The following GABRA5 variants were observed in gnomAD, a reference collection of about 807,000 sequenced individuals.
GABRA5 encodes gamma-aminobutyric acid type A receptor subunit alpha5, also known as gamma-aminobutyric acid receptor subunit alpha-5.
A neutral mutation model predicts 47.3 loss-of-function variants in GABRA5; 18 were observed. The ratio of observed to expected loss-of-function variants is 0.38; its 90% confidence interval spans 0.26 to 0.56. The LOEUF is 0.56. GABRA5 is among the 20% of genes least tolerant of loss of function. GABRA5 has a pLI of 0.71. For missense variants in GABRA5, 365 were observed against 599.3 expected (o/e 0.61, Z 4.08); for synonymous variants, 237 against 229.3 (o/e 1.03, Z -0.30).
chr15:26,940,983 G>T (rs1348187509), intron 9 of GABRA5, among the ~76,000 whole-genome samples: 1 of 152,182 alleles, frequency 6.6e-6, no homozygotes, highest in Admixed American at 6.5e-5. Context: ...ATTTGCTATT[G>T]CAGTTTCCTT....
intron 6 of GABRA5, among the ~76,000 whole-genome samples, chr15:26,884,335 C>G (rs1416512038): frequency 6.6e-6 from 1 of 151,918 alleles, no homozygotes; most frequent in Non-Finnish European, 1.5e-5. Context: ...TTTAAATGGA[C>G]TGTTAGTCAT....
intron 6 of GABRA5, among the ~76,000 whole-genome samples, chr15:26,910,760 T>C (rs1186965846): frequency 6.6e-6 from 1 of 152,180 alleles, no homozygotes; most frequent in East Asian, 1.9e-4. Flanking sequence ...GGTCTTCCAG[T>C]AATTCAGTGA....
intron 6 of GABRA5, among the ~76,000 whole-genome samples, chr15:26,911,985 A>G (rs1263267655): frequency 2.0e-5 from 3 of 152,210 alleles, no homozygotes; most frequent in African/African-American, 7.2e-5. Context: ...GAGTAAAGCC[A>G]GGGCTGCTGG....
chr15:26,900,604 T>C (rs1250912615), intron 6 of GABRA5, among the ~76,000 whole-genome samples: 1 of 152,120 alleles, frequency 6.6e-6, no homozygotes, highest in Non-Finnish European at 1.5e-5. Flanking sequence ...ACAGAAATTT[T>C]CCATAAACCC....
chr15:26,925,181 G>A (rs559069921), intron 7 of GABRA5, among the ~76,000 whole-genome samples: 13 of 151,852 alleles, frequency 8.6e-5, no homozygotes, highest in South Asian at 8.3e-4. Context: ...CAAATTTGAG[G>A]CATTTTGACC....
chr15:26,887,490 C>T (rs1282927343), intron 6 of GABRA5, among the ~76,000 whole-genome samples: 1 of 152,088 alleles, frequency 6.6e-6, no homozygotes, highest in Non-Finnish European at 1.5e-5. Context: ...CCACCATGCC[C>T]AGCTAATTTT....
chr15:26,948,206 G>T lies in GABRA5; in HGVS notation c.1362G>T (p.Val454=). The T allele has an allele frequency of 6.2e-7, 1 of 1,612,446 alleles. No homozygotes were observed. ...YWATYLNREP[V]IKGAASPK is the part of the protein sequence containing the mutation. ...CAACGTATTTGAATAGGGAGCCGGTGATAAAAGGAGCCGCCTCTCCAAAAT... is the reference window on the plus strand; with the variant it reads ...CAACGTATTTGAATAGGGAGCCGGTTATAAAAGGAGCCGCCTCTCCAAAAT... Residue 454 remains valine, a synonymous_variant, in exon 11 of 11, where the codon GTG becomes GTT. Coordinates refer to ENST00000335625, the MANE Select transcript of GABRA5 (RefSeq NM_000810.4).
intron 7 of GABRA5, among the ~76,000 whole-genome samples, chr15:26,930,890 C>G (rs1247852391): frequency 1.5e-5 from 2 of 134,940 alleles, no homozygotes; most frequent in Non-Finnish European, 3.1e-5. Context: ...TTCTTTCTTT[C>G]TTTTCTTTTT....
At chr15:26,884,570 C>T (rs764115872) in intron 6 of GABRA5, among the ~76,000 whole-genome samples, 16 of 152,156 alleles carry the variant, frequency 1.1e-4, no homozygotes, top group South Asian at 2.1e-4. Flanking sequence ...CAATTTTTCA[C>T]GGTAAACTTT....
intron 3 of GABRA5, among the ~76,000 whole-genome samples, chr15:26,874,860 G>A (rs1474687348): frequency 6.6e-6 from 1 of 152,354 alleles, no homozygotes; most frequent in East Asian, 1.9e-4. Flanking sequence ...GGCCATCACT[G>A]TACTGTCAGT....
chr15:26,930,014 T>TG (rs1894059010), intron 7 of GABRA5, among the ~76,000 whole-genome samples: 1 of 149,146 alleles, frequency 6.7e-6, no homozygotes, highest in African/African-American at 2.5e-5. Flanking sequence ...TTCTTTTTTT[T>TG]TTTTTTTTGT....
intron 6 of GABRA5, among the ~76,000 whole-genome samples, chr15:26,884,788 C>T (rs189060064): frequency 9.2e-5 from 14 of 152,166 alleles, no homozygotes; most frequent in Admixed American, 7.2e-4. Context: ...GCCTGGGAGC[C>T]GCCTTTTGGA....
chr15:26,874,265 A>G (rs1001223840), intron 3 of GABRA5, among the ~76,000 whole-genome samples: 2 of 152,226 alleles, frequency 1.3e-5, no homozygotes, highest in Admixed American at 6.5e-5. Context: ...TGTATCATAT[A>G]CACTCATTTA....
intron 9 of GABRA5, among the ~76,000 whole-genome samples, chr15:26,941,610 C>T (rs1230801725): frequency 2.0e-5 from 3 of 152,134 alleles, no homozygotes; most frequent in Non-Finnish European, 2.9e-5. Flanking sequence ...GTAACCAAGT[C>T]CCACACACTG....
At chr15:26,901,975 T>C (rs551049569) in intron 6 of GABRA5, among the ~76,000 whole-genome samples, 18 of 152,186 alleles carry the variant, frequency 1.2e-4, no homozygotes, top group South Asian at 4.1e-4. Context: ...TGGGTGGCTA[T>C]TTCTGGACTG....
intron 1 of GABRA5, chr15:26,868,225 G>T (rs2140238283): frequency 6.6e-6 from 1 of 152,172 alleles, no homozygotes; most frequent in South Asian, 2.1e-4. Flanking sequence ...CGTGCTCGCC[G>T]CCTGGCTCTG....
chr15:26,925,703 G>A (rs1184352613), intron 7 of GABRA5, among the ~76,000 whole-genome samples: 3 of 151,872 alleles, frequency 2.0e-5, no homozygotes, highest in Admixed American at 6.6e-5. Context: ...TTTCTTTTAC[G>A]TATAATAATT....
Position 26,890,117 on chromosome 15 carries a change from TA to T in GABRA5, c.497+6561del, listed in dbSNP as rs530887541. Among the ~76,000 whole-genome samples, 555 of 152,370 alleles carry T rather than the reference TA, an allele frequency of 3.6e-3. 1 individual carries two copies. Among genetic ancestry groups the T allele is most frequent in the African/African-American group, 0.013 (528 of 41,596 alleles). On this transcript the variant is annotated intron_variant, in intron 6 of 10. Transcript: ENST00000335625. Reference sequence around the variant, plus strand: ...TCTGTAAAAAAATTCACGATACATCTATTTTTTTTCTCTGTGATAACATTCT... The same window carrying T: ...TCTGTAAAAAAATTCACGATACATCTTTTTTTTTCTCTGTGATAACATTCT...
intron 8 of GABRA5, chr15:26,939,520 G>A: frequency 2.9e-6 from 2 of 679,116 alleles, no homozygotes; most frequent in Non-Finnish European, 5.3e-6. Flanking sequence ...CCTCTAGACT[G>A]GAAACAGGAA....
Sources: allele counts gnomAD v4.1 joint callset (sites outside exome capture counted in the v4.1 genomes callset), GRCh38; gene constraint gnomAD v4.1.1; transcripts MANE v1.5; gene names NCBI Gene and HGNC (gene_info 2026-07-23, HGNC 2026-07-21).